Variants in ELL2 observed in about 807,000 individuals in gnomAD.
The protein encoded by ELL2 is elongation factor for RNA polymerase II 2, also known as RNA polymerase II elongation factor ELL2.
In ELL2, 21 loss-of-function variants were observed where a neutral mutation model predicts 72.8. The observed-to-expected ratio is 0.29, with a 90% CI of 0.20 to 0.42. ELL2 has a LOEUF of 0.42. Ranked by LOEUF, ELL2 falls within the 10% of genes least tolerant of loss-of-function variation. ELL2 has a pLI of 1.00. For synonymous variants in ELL2, 266 were observed against 283.2 expected (o/e 0.94, Z 0.61); for missense variants, 568 against 772.8 (o/e 0.73, Z 3.14).
intron 5 of ELL2, among the ~76,000 whole-genome samples, chr5:95,903,338 C>T (rs1749216934): frequency 6.6e-6 from 1 of 150,956 alleles, no homozygotes; most frequent in Non-Finnish European, 1.5e-5. Context: ...CCTGCCTCAG[C>T]CTCCTGAGTA....
intron 2 of ELL2, among the ~76,000 whole-genome samples, chr5:95,927,382 C>CGTGT (rs766704911): frequency 1.8e-5 from 1 of 55,078 alleles, no homozygotes; most frequent in Non-Finnish European, 3.1e-5. Context: ...CACACACACA[C>CGTGT]GTGTGTATAT....
intron 1 of ELL2, among the ~76,000 whole-genome samples, chr5:95,957,445 TCTC>T (rs1751663702): frequency 2.0e-5 from 3 of 152,214 alleles, no homozygotes; most frequent in Non-Finnish European, 2.9e-5. Context: ...TAGCAACTTT[TCTC>T]CTCATTCAAA....
At chr5:95,945,588 G>T (rs946205137) in intron 1 of ELL2, among the ~76,000 whole-genome samples, 4 of 152,190 alleles carry the variant, frequency 2.6e-5, no homozygotes, top group African/African-American at 9.7e-5. Flanking sequence ...ATTTGAGAAT[G>T]ATTAAGTACT....
intron 8 of ELL2, among the ~76,000 whole-genome samples, chr5:95,896,236 G>A (rs1010357645): frequency 2.0e-5 from 3 of 151,762 alleles, no homozygotes; most frequent in Admixed American, 1.3e-4. Flanking sequence ...ATTGAATGTC[G>A]ATTTATATTC....
chr5:95,917,908 G>A (rs1749883511), intron 3 of ELL2, among the ~76,000 whole-genome samples: 2 of 152,156 alleles, frequency 1.3e-5, no homozygotes, highest in African/African-American at 2.4e-5. Context: ...ATATCAAAAT[G>A]TGCTCACTAT....
At chr5:95,918,807 G>A (rs1749929952) in intron 3 of ELL2, among the ~76,000 whole-genome samples, 2 of 151,998 alleles carry the variant, frequency 1.3e-5, no homozygotes, top group South Asian at 4.2e-4. Context: ...ATTGTTTACA[G>A]AGGATCTAAG....
intron 2 of ELL2, among the ~76,000 whole-genome samples, chr5:95,924,992 C>CTAA (rs1401025832): frequency 6.6e-6 from 1 of 152,222 alleles, no homozygotes; most frequent in Admixed American, 6.5e-5. Context: ...TATGTGAATG[C>CTAA]TAACATCTGC....
At chr5:95,894,704 A>G (rs1344743663) in intron 9 of ELL2, among the ~76,000 whole-genome samples, 1 of 152,214 alleles carries the variant, frequency 6.6e-6, no homozygotes, top group Non-Finnish European at 1.5e-5. Context: ...ATACTGTATC[A>G]TTCCCCAATA....
rs1750440683 is a variant in ELL2, at chr5:95,927,790, G to GACACACACACAC, written c.196-8246_196-8245insGTGTGTGTGTGT. Among the ~76,000 whole-genome samples, 10 of 95,894 alleles carry GACACACACACAC rather than the reference G, an allele frequency of 1.0e-4. 2 individuals carry two copies. The South Asian group carries it at 1.1e-3, about 10-fold the overall frequency. The allele number at this position is 95,894 out of a possible 152,430, so 62.9% of individuals were successfully genotyped here. A position where few individuals can be genotyped will look rare whatever the true frequency, so the allele number is the denominator to read the frequency against. ...ACACACACACATATGTGTGTATATA[G>GACACACACACAC]ACATACACACACACATATGTGTGTA... On this transcript the variant is annotated intron_variant, in intron 2 of 11. Transcript: ENST00000237853.
At chr5:95,932,062 G>A (rs967178205) in intron 2 of ELL2, among the ~76,000 whole-genome samples, 21 of 150,552 alleles carry the variant, frequency 1.4e-4, no homozygotes, top group African/African-American at 4.6e-4. Flanking sequence ...ATCTGTTTCC[G>A]AACATCTACT....
intron 5 of ELL2, among the ~76,000 whole-genome samples, chr5:95,905,964 T>C (rs1287343567): frequency 6.6e-6 from 1 of 152,186 alleles, no homozygotes; most frequent in African/African-American, 2.4e-5. Flanking sequence ...TTCTTACACG[T>C]AAGCTTGTGA....
chr5:95,889,837 C>A (rs926407262), intron 10 of ELL2, among the ~76,000 whole-genome samples: 1 of 144,420 alleles, frequency 6.9e-6, no homozygotes, highest in African/African-American at 2.6e-5. Context: ...AAACACACTT[C>A]GAAAGAATAC....
At chr5:95,942,672 C>G (rs569534809) in intron 2 of ELL2, among the ~76,000 whole-genome samples, 3 of 152,062 alleles carry the variant, frequency 2.0e-5, no homozygotes, top group Admixed American at 2.0e-4. Flanking sequence ...AATAAATAAT[C>G]CCGTATGGAT....
At chr5:95,933,276 T>C (rs1268783978) in intron 2 of ELL2, among the ~76,000 whole-genome samples, 1 of 152,136 alleles carries the variant, frequency 6.6e-6, no homozygotes, top group East Asian at 1.9e-4. Context: ...TCTGACCTAA[T>C]AAATGCCATA....
chr5:95,929,806 A>C (rs1410764113), intron 2 of ELL2, among the ~76,000 whole-genome samples: 3 of 151,438 alleles, frequency 2.0e-5, no homozygotes, highest in Non-Finnish European at 4.4e-5. Flanking sequence ...AACAAAAAAC[A>C]AAAAAACCCC....
At chr5:95,944,278 A>G (rs577143735) in intron 1 of ELL2, among the ~76,000 whole-genome samples, 1 of 152,328 alleles carries the variant, frequency 6.6e-6, no homozygotes, top group African/African-American at 2.4e-5. Context: ...CTATCTTATT[A>G]TTATTGATAA....
In ELL2 at chr5:95,888,769, T is replaced by C; in HGVS notation, c.*102A>G. The C allele has an allele frequency of 1.2e-6, 1 of 813,080 alleles. No individual in the cohort carries two copies. Among genetic ancestry groups the C allele is most frequent in the Non-Finnish European group, 1.8e-6 (1 of 546,490 alleles). The allele number at this position is 813,080 out of a possible 1,614,324, so 50.4% of individuals were successfully genotyped here. On this transcript the variant is annotated 3_prime_UTR_variant, in exon 12 of 12. Coordinates refer to ENST00000237853, the MANE Select transcript of ELL2 (RefSeq NM_012081.6). ...CTCAAGTTTACTAATACTGAAACTT[T>C]CAACAGCCAAAGTTTCACCTTTTTA... is the stretch of plus-strand genomic sequence containing the variant.
intron 4 of ELL2, among the ~76,000 whole-genome samples, chr5:95,908,709 A>G (rs1194559855): frequency 6.6e-6 from 1 of 152,240 alleles, no homozygotes; most frequent in Non-Finnish European, 1.5e-5. Flanking sequence ...GCGTTAACAA[A>G]CATTAGCATT....
intron 3 of ELL2, 35 bp downstream of exon 3, chr5:95,919,389 T>A (rs1325844174): frequency 1.9e-5 from 29 of 1,560,122 alleles, no homozygotes; most frequent in Middle Eastern, 2.2e-4. Context: ...AAATAAAAAA[T>A]TTTTCCCCTT....
Sources: allele counts gnomAD v4.1 joint callset (sites outside exome capture counted in the v4.1 genomes callset), GRCh38; gene constraint gnomAD v4.1.1; transcripts MANE v1.5; gene names NCBI Gene and HGNC (gene_info 2026-07-23, HGNC 2026-07-21).